Variants in MAGI2 observed in about 807,000 individuals in gnomAD.
MAGI2 encodes membrane associated guanylate kinase, WW and PDZ domain containing 2.
MAGI2 carries 35 observed loss-of-function variants against 133.3 expected under a neutral mutation model. The ratio of observed to expected loss-of-function variants is 0.26; its 90% CI spans 0.20 to 0.35. MAGI2 has a LOEUF of 0.35. Ranked by LOEUF, MAGI2 falls within the 10% of genes least tolerant of loss-of-function variation. The pLI is 1.00. For missense variants in MAGI2, 1,636 were observed against 1,863.4 expected (o/e 0.88, Z 2.25); for synonymous variants, 729 against 710.6 (o/e 1.03, Z -0.41).
Position 79,083,998 on chromosome 7 carries a change from G to A in MAGI2, c.302-76792C>T, listed in dbSNP as rs568642156. On this transcript the variant is annotated intron_variant, in intron 1 of 21. Transcript: ENST00000354212. Reference sequence around the variant, plus strand: ...TAATCTTTTTATATCTTTGAGTTTGGTAATGACACTCCCTTTTTAACTCTT... The same window carrying A: ...TAATCTTTTTATATCTTTGAGTTTGATAATGACACTCCCTTTTTAACTCTT... Among the ~76,000 whole-genome samples the A allele has an allele frequency of 2.6e-5, 4 of 151,594 alleles. No homozygotes were observed. In the East Asian group the frequency reaches 5.8e-4, roughly 22 times the overall value.
At chr7:78,587,643 C>T (rs1259038655) in intron 3 of MAGI2, among the ~76,000 whole-genome samples, 2 of 152,156 alleles carry the variant, frequency 1.3e-5, no homozygotes, top group African/African-American at 2.4e-5. Flanking sequence ...CAGTAGATGA[C>T]GCTCGTGCCA....
At chr7:79,094,063 T>TTCTTTCACAA (rs1817316754) in intron 1 of MAGI2, among the ~76,000 whole-genome samples, 1 of 152,182 alleles carries the variant, frequency 6.6e-6, no homozygotes, top group African/African-American at 2.4e-5. Flanking sequence ...AATGGACTCT[T>TTCTTTCACAA]TCTTTCACAA....
In MAGI2 at chr7:78,070,206, TATATATATATATACAC is replaced by T. The variant is rs1335915970; in HGVS notation, c.3706+8725_3706+8740del. 2.1e-4 allele frequency among the ~76,000 whole-genome samples: 10 copies of T among 48,336 alleles called. No homozygotes were observed. The East Asian group carries it at 3.5e-3, about 17-fold the overall frequency. 31.7% of individuals were successfully genotyped at this position (48,336 alleles called of 152,430 possible). A position where few individuals can be genotyped will look rare whatever the true frequency, so the allele number is the denominator to read the frequency against. On this transcript the variant is annotated intron_variant, in intron 21 of 21. Transcript: ENST00000354212. ...ATATATATATATATATATATATATATATATATATATATACACACACACACACAGACATTCTGTCCCC... is the reference window on the plus strand; with the variant it reads ...ATATATATATATATATATATATATATACACACACACAGACATTCTGTCCCC...
At chr7:78,927,610 C>T (rs1396948692) in intron 2 of MAGI2, among the ~76,000 whole-genome samples, 2 of 151,812 alleles carry the variant, frequency 1.3e-5, no homozygotes, top group African/African-American at 4.8e-5. Flanking sequence ...TACCTTCACA[C>T]TAAGTAAATC....
intron 1 of MAGI2, among the ~76,000 whole-genome samples, chr7:79,284,609 T>C (rs760329808): frequency 3.3e-5 from 5 of 152,130 alleles, no homozygotes; most frequent in Non-Finnish European, 5.9e-5. Flanking sequence ...CCTTTCCAAA[T>C]AGTTAAAATT....
intron 1 of MAGI2, among the ~76,000 whole-genome samples, chr7:79,030,613 CA>C (rs1810471792): frequency 1.3e-5 from 2 of 152,146 alleles, no homozygotes; most frequent in Non-Finnish European, 2.9e-5. Context: ...TTTAAGTAGA[CA>C]GTGGGTGGAT....
chr7:79,098,903 G>A (rs368098951), intron 1 of MAGI2, among the ~76,000 whole-genome samples: 6 of 152,172 alleles, frequency 3.9e-5, no homozygotes, highest in South Asian at 2.1e-4. Flanking sequence ...CAAGGAATGC[G>A]CAAAGTTGCT....
rs377632158 is a variant in MAGI2, at chr7:79,035,641, A to G, written c.302-28435T>C. On this transcript the variant is annotated intron_variant, in intron 1 of 21. Transcript: ENST00000354212. Reference sequence around the variant, plus strand: ...TCAAGGATGATTATAAGATTTTAAAATATGTAAAATGGGATACATATCTGC... The same window carrying G: ...TCAAGGATGATTATAAGATTTTAAAGTATGTAAAATGGGATACATATCTGC... Among the ~76,000 whole-genome samples, 27 of 152,336 alleles carry G rather than the reference A, an allele frequency of 1.8e-4. No homozygotes were observed. The East Asian group carries it at 3.7e-3, about 21-fold the overall frequency.
intron 2 of MAGI2, among the ~76,000 whole-genome samples, chr7:78,991,319 C>G (rs541371259): frequency 8.1e-5 from 12 of 147,442 alleles, no homozygotes; most frequent in Middle Eastern, 3.5e-3. Flanking sequence ...CACACACATA[C>G]ACACACACAC....
chr7:79,106,074 T>C (rs558472937), intron 1 of MAGI2, among the ~76,000 whole-genome samples: 46 of 152,252 alleles, frequency 3.0e-4, no homozygotes, highest in Non-Finnish European at 5.0e-4. Context: ...GGAAAAACAA[T>C]TGGAGTCTAA....
rs565011517 is a variant in MAGI2, at chr7:78,702,347, A to G, written c.419-75108T>C. 7.2e-5 allele frequency among the ~76,000 whole-genome samples: 11 copies of G among 152,140 alleles called. No homozygotes were observed. In the East Asian group the frequency reaches 1.7e-3, roughly 24 times the overall value. ...CTTGTGACTTAAGTAATAACTTCTA[A>G]GAGCTGTAATGTATAAAACATTACA... On this transcript the variant is annotated intron_variant, in intron 2 of 21. Coordinates refer to ENST00000354212, the MANE Select transcript of MAGI2 (RefSeq NM_012301.4).
At chr7:78,303,534 C>T (rs13231153) in intron 9 of MAGI2, among the ~76,000 whole-genome samples, 24,477 of 152,006 alleles carry the variant, frequency 0.16, 2,634 homozygotes, top group Middle Eastern at 0.28. Context: ...CAAATGAAAG[C>T]GTTGGAACTG....
At chr7:78,532,134 A>G (rs766401360) in intron 3 of MAGI2, among the ~76,000 whole-genome samples, 104 of 152,166 alleles carry the variant, frequency 6.8e-4, no homozygotes, top group South Asian at 8.3e-4. Context: ...TGAACCTCAG[A>G]TTCCTCACTG....
intron 2 of MAGI2, among the ~76,000 whole-genome samples, chr7:78,874,359 A>T (rs908325911): frequency 6.6e-6 from 1 of 152,210 alleles, no homozygotes. Flanking sequence ...ACAAGTACAT[A>T]CAAATATTTA....
chr7:78,396,841 G>A (rs1796390254), intron 6 of MAGI2, among the ~76,000 whole-genome samples: 1 of 152,172 alleles, frequency 6.6e-6, no homozygotes. Context: ...AGAACAGAGA[G>A]AGAAATTTCT....
chr7:79,381,506 A>G (rs1051481521), intron 1 of MAGI2, among the ~76,000 whole-genome samples: 9 of 151,818 alleles, frequency 5.9e-5, no homozygotes, highest in East Asian at 5.8e-4. Flanking sequence ...AAATGTACCT[A>G]TCTTCAAGAA....
In MAGI2 at chr7:79,349,462, T is replaced by TTAA. The variant is rs150162426; in HGVS notation, c.301+103555_301+103557dup. 7.0e-3 allele frequency among the ~76,000 whole-genome samples: 1,057 copies of TTAA among 151,458 alleles called. 11 individuals carry two copies. The highest frequency in any genetic ancestry group is 9.4e-3 in the South Asian group (45 of 4,790). On this transcript the variant is annotated intron_variant, in intron 1 of 21. Coordinates refer to ENST00000354212, the MANE Select transcript of MAGI2 (RefSeq NM_012301.4). ...AGATGACCTTCAAAGATTCTTTTAG[T>TTAA]TAATAATAATAATAATAATAGCTAG...
chr7:78,554,658 A>C (rs898158560), intron 3 of MAGI2: 8 of 152,192 alleles, frequency 5.3e-5, no homozygotes, highest in African/African-American at 1.9e-4. Flanking sequence ...ACCCTCATTC[A>C]AGAGGTACCC....
At chr7:79,174,322 A>G (rs532682231) in intron 1 of MAGI2, among the ~76,000 whole-genome samples, 25 of 152,086 alleles carry the variant, frequency 1.6e-4, no homozygotes, top group Non-Finnish European at 3.2e-4. Flanking sequence ...ACTATAATAA[A>G]TTTAAATGGA....
Sources: allele counts gnomAD v4.1 joint callset (sites outside exome capture counted in the v4.1 genomes callset), GRCh38; gene constraint gnomAD v4.1.1; transcripts MANE v1.5; gene names NCBI Gene and HGNC (gene_info 2026-07-23, HGNC 2026-07-21).